The following UNC5D variants were observed in gnomAD, a reference collection of about 807,000 sequenced individuals.
UNC5D encodes the protein netrin receptor UNC5D.
UNC5D carries 39 observed loss-of-function variants against 105.4 expected under a neutral mutation model. The observed-to-expected ratio is 0.37, with a 90% confidence interval of 0.29 to 0.48. UNC5D has a LOEUF of 0.48. Ranked by LOEUF, UNC5D falls within the 20% of genes least tolerant of loss-of-function variation. The probability of loss-of-function intolerance (pLI) is 0.98; values close to 1 mark genes in which losing one functional copy is unlikely to be tolerated. For synonymous variants in UNC5D, 452 were observed against 450.4 expected, an observed-to-expected ratio of 1.00 and a Z score of -0.04; for missense variants, 991 against 1,202.4, an observed-to-expected ratio of 0.82 and a Z score of 2.60.
At chr8:35,780,590 A>G (rs1251965347) in intron 16 of UNC5D, among the ~76,000 whole-genome samples, 2 of 152,182 alleles carry the variant, frequency 1.3e-5, no homozygotes, top group Non-Finnish European at 2.9e-5. Flanking sequence ...GGGGAAAAAA[A>G]AGAGGGAAGA....
chr8:35,613,059 A>T (rs1226154057), intron 4 of UNC5D, among the ~76,000 whole-genome samples: 1 of 152,042 alleles, frequency 6.6e-6, no homozygotes, highest in Non-Finnish European at 1.5e-5. Context: ...CCAGCACCTC[A>T]CCCACGTCTC....
intron 1 of UNC5D, among the ~76,000 whole-genome samples, chr8:35,304,388 G>A (rs577733766): frequency 2.8e-4 from 42 of 152,000 alleles, no homozygotes; most frequent in Non-Finnish European, 4.4e-4. Flanking sequence ...TTTAGATGGC[G>A]GAATGTTGTT....
In UNC5D at chr8:35,248,834, TA is replaced by T. The variant is rs1285298081; in HGVS notation, c.103+12952del. On this transcript the variant is annotated intron_variant, in intron 1 of 16. Transcript: ENST00000404895. ...TATAATATATATAATATTTATATTT[TA>T]AAAATATATTTTATATATAATTCTA... is the stretch of plus-strand genomic sequence containing the variant. Among the ~76,000 whole-genome samples the T allele has an allele frequency of 3.4e-3, 312 of 92,898 alleles. 4 individuals carry two copies. Among genetic ancestry groups the T allele is most frequent in the African/African-American group, 0.015 (299 of 20,224 alleles). The allele number at this position is 92,898 out of a possible 152,430, so 60.9% of individuals were successfully genotyped here. A position where few individuals can be genotyped will look rare whatever the true frequency, so the allele number is the denominator to read the frequency against.
chr8:35,593,944 G>A (rs1819335191), intron 3 of UNC5D, among the ~76,000 whole-genome samples: 1 of 152,206 alleles, frequency 6.6e-6, no homozygotes, highest in Non-Finnish European at 1.5e-5. Context: ...AGAATTGTGT[G>A]GGAAGCGTGA....
intron 4 of UNC5D, among the ~76,000 whole-genome samples, chr8:35,682,050 T>C (rs1202833606): frequency 1.3e-5 from 2 of 152,152 alleles, no homozygotes; most frequent in African/African-American, 4.8e-5. Flanking sequence ...CTGTAACCTC[T>C]GCCTCCCTGG....
intron 4 of UNC5D, among the ~76,000 whole-genome samples, chr8:35,608,607 T>G (rs909749684): frequency 6.6e-6 from 1 of 152,204 alleles, no homozygotes; most frequent in African/African-American, 2.4e-5. Context: ...CCCCTCACCC[T>G]GCATCATCTC....
chr8:35,297,892 A>G (rs941348539), intron 1 of UNC5D, among the ~76,000 whole-genome samples: 11 of 152,154 alleles, frequency 7.2e-5, no homozygotes, highest in African/African-American at 2.7e-4. Flanking sequence ...GACTTCCATT[A>G]AGCGGGGCCA....
Position 35,549,473 on chromosome 8 carries a change from C to T in UNC5D, c.285C>T (p.Asn95=), listed in dbSNP as rs77010935. The part of the protein sequence containing the change: ...FKCNGEWVHQ[N]EHVSEETLDE... ...GCAACGGCGAGTGGGTCCATCAGAACGAGCACGTCTCTGAAGAGACTCTGG... is the reference window on the plus strand; with the variant it reads ...GCAACGGCGAGTGGGTCCATCAGAATGAGCACGTCTCTGAAGAGACTCTGG... The change falls in exon 2 of 17, where the codon AAC becomes AAT. Residue 95 remains asparagine, a synonymous_variant. Coordinates refer to ENST00000404895, the MANE Select transcript of UNC5D (RefSeq NM_080872.4). 2,656 of 1,612,328 alleles carry T rather than the reference C, an allele frequency of 1.6e-3. 3 individuals are homozygous for T. The highest frequency in any genetic ancestry group is 2.0e-3 in the Non-Finnish European group (2,369 of 1,179,908).
chr8:35,399,015 T>C (rs1804277978), intron 1 of UNC5D, among the ~76,000 whole-genome samples: 1 of 151,604 alleles, frequency 6.6e-6, no homozygotes, highest in Non-Finnish European at 1.5e-5. Context: ...CATGGTGGCA[T>C]GCACCTGTAG....
intron 1 of UNC5D, among the ~76,000 whole-genome samples, chr8:35,287,634 A>C (rs1186778629): frequency 6.6e-6 from 1 of 151,254 alleles, no homozygotes; most frequent in East Asian, 1.9e-4. Context: ...CCTCTACCAA[A>C]AAAAAAAAAG....
At chr8:35,327,637 G>C (rs876113) in intron 1 of UNC5D, among the ~76,000 whole-genome samples, 2 of 151,626 alleles carry the variant, frequency 1.3e-5, no homozygotes, top group Non-Finnish European at 2.9e-5. Context: ...TTGTGGGGGG[G>C]GGATCTGGAA....
chr8:35,299,646 G>A (rs1358768356), intron 1 of UNC5D, among the ~76,000 whole-genome samples: 2 of 152,164 alleles, frequency 1.3e-5, no homozygotes, highest in Non-Finnish European at 2.9e-5. Flanking sequence ...TTTAACTCAG[G>A]ATCTTACTTT....
chr8:35,558,704 C>T lies in UNC5D; in HGVS notation c.322+9194C>T, dbSNP rs575354098. ...TATAAGAGAATATTGCTTTTCAGGC[C>T]GGGCGCAGTGGCTCACGCCTGTAAT... On this transcript the variant is annotated intron_variant, in intron 2 of 16. Coordinates refer to ENST00000404895, the MANE Select transcript of UNC5D (RefSeq NM_080872.4). Among the ~76,000 whole-genome samples the T allele has an allele frequency of 1.7e-4, 26 of 152,068 alleles. No homozygotes were observed. The East Asian group carries it at 3.5e-3, about 20-fold the overall frequency.
intron 1 of UNC5D, among the ~76,000 whole-genome samples, chr8:35,512,569 A>ATCTCTCTC (rs1554547790): frequency 1.5e-5 from 1 of 64,840 alleles, no homozygotes; most frequent in African/African-American, 8.1e-5. Flanking sequence ...ATATATATAT[A>ATCTCTCTC]TCTGAATAGA....
At chr8:35,748,831 C>A in intron 12 of UNC5D, 136 bp downstream of exon 12, 1 of 927,300 alleles carries the variant, frequency 1.1e-6, no homozygotes, top group Non-Finnish European at 1.6e-6. Context: ...TTTATAATAT[C>A]CTAAACATAT....
intron 1 of UNC5D, among the ~76,000 whole-genome samples, chr8:35,240,568 G>A (rs1195021520): frequency 6.6e-6 from 1 of 152,092 alleles, no homozygotes; most frequent in East Asian, 1.9e-4. Flanking sequence ...ACCCCCATTG[G>A]TAAGATAGGA....
chr8:35,407,322 A>G (rs1804869018), intron 1 of UNC5D, among the ~76,000 whole-genome samples: 1 of 152,078 alleles, frequency 6.6e-6, no homozygotes, highest in Non-Finnish European at 1.5e-5. Flanking sequence ...GTGACACATG[A>G]CTGTATATAC....
chr8:35,431,085 TTA>T (rs1806600864), intron 1 of UNC5D, among the ~76,000 whole-genome samples: 1 of 152,338 alleles, frequency 6.6e-6, no homozygotes, highest in South Asian at 2.1e-4. Context: ...TGGTAAATAA[TTA>T]TATGTTAACC....
intron 1 of UNC5D, among the ~76,000 whole-genome samples, chr8:35,245,682 G>A (rs16883709): frequency 0.016 from 2,463 of 152,204 alleles, 68 homozygotes; most frequent in African/African-American, 0.056. Flanking sequence ...ATGCACATCA[G>A]TCTCCAGGAT....
Sources: gnomAD v4.1 joint callset for allele counts (sites outside exome capture counted in the v4.1 genomes callset) on GRCh38, gnomAD v4.1.1 for gene constraint, MANE v1.5 for transcripts, NCBI Gene and HGNC (gene_info 2026-07-23, HGNC 2026-07-21) for gene names.